The following CELF4 variants were observed in gnomAD, a reference collection of about 807,000 sequenced individuals.
CELF4 encodes CUG-BP- and ETR-3-like factor 4.
In CELF4, 18 loss-of-function variants were observed where a neutral mutation model predicts 59.9. The observed-to-expected ratio is 0.30, with a 90% confidence interval of 0.21 to 0.45. The LOEUF is 0.45. Ranked by LOEUF, CELF4 falls within the 20% of genes least tolerant of loss-of-function variation. CELF4 has a pLI of 1.00. For synonymous variants in CELF4, 261 were observed against 267.1 expected, an observed-to-expected ratio of 0.98 and a Z score of 0.22; for missense variants, 456 against 689.0, an observed-to-expected ratio of 0.66 and a Z score of 3.79.
At chr18:37,301,760 G>A (rs1327124124) in intron 3 of CELF4, among the ~76,000 whole-genome samples, 1 of 152,220 alleles carries the variant, frequency 6.6e-6, no homozygotes, top group Non-Finnish European at 1.5e-5. Flanking sequence ...GCCTCACTCG[G>A]CTAATGGCTC....
intron 1 of CELF4, among the ~76,000 whole-genome samples, chr18:37,486,452 CTT>C (rs907341166): frequency 3.9e-5 from 6 of 152,328 alleles, no homozygotes; most frequent in South Asian, 2.1e-4. Flanking sequence ...CAAGGGGTGA[CTT>C]TTCAGTGCTG....
intron 2 of CELF4, among the ~76,000 whole-genome samples, chr18:37,326,054 C>A (rs553628403): frequency 7.4e-4 from 113 of 152,234 alleles, no homozygotes; most frequent in Non-Finnish European, 1.1e-3. Context: ...GCCAGCCTCA[C>A]TCAGCCCTGA....
intron 8 of CELF4, among the ~76,000 whole-genome samples, chr18:37,269,371 T>C (rs2154342968): frequency 6.6e-6 from 1 of 152,364 alleles, no homozygotes; most frequent in East Asian, 1.9e-4. Context: ...TCTATTTCCC[T>C]CTAGTACAGT....
chr18:37,371,441 A>C (rs1213553253), intron 2 of CELF4, among the ~76,000 whole-genome samples: 1 of 152,202 alleles, frequency 6.6e-6, no homozygotes, highest in Non-Finnish European at 1.5e-5. Context: ...CTCGAGGAGA[A>C]ATGAGCCCTT....
At chr18:37,424,066 A>C (rs1405506440) in intron 2 of CELF4, among the ~76,000 whole-genome samples, 1 of 151,794 alleles carries the variant, frequency 6.6e-6, no homozygotes, top group Non-Finnish European at 1.5e-5. Flanking sequence ...ATGATCTATC[A>C]GGTTGGTGCA....
chr18:37,480,562 T>C (rs533643567), intron 2 of CELF4, among the ~76,000 whole-genome samples: 12 of 152,296 alleles, frequency 7.9e-5, no homozygotes, highest in Non-Finnish European at 1.8e-4. Flanking sequence ...TTTCTACTTA[T>C]CATTCATCTT....
At position 37,243,183 on chromosome 18, in the gene CELF4, T is replaced by TATC. The variant is rs2060839924; in HGVS notation, c.*2058_*2059insGAT. On this transcript the variant is annotated 3_prime_UTR_variant, in exon 13 of 13. Coordinates refer to ENST00000420428, the MANE Select transcript of CELF4 (RefSeq NM_020180.4). ...AGCTGTTTTCTTTTTTTTTTCTTTT[T>TATC]TTCTTTTTTTTTTTTTTTTTTTTAC... The TATC allele has an allele frequency of 6.9e-6, 1 of 144,342 alleles. No homozygotes were observed. The highest frequency in any genetic ancestry group is 2.7e-5 in the African/African-American group (1 of 37,190). The allele number at this position is 144,342 out of a possible 1,614,324, so 8.9% of individuals were successfully genotyped here.
intron 2 of CELF4, among the ~76,000 whole-genome samples, chr18:37,393,598 G>A (rs1310291793): frequency 6.6e-6 from 1 of 152,194 alleles, no homozygotes; most frequent in African/African-American, 2.4e-5. Flanking sequence ...CCCCCGAGGG[G>A]ACCAAGTCCC....
At chr18:37,448,491 A>G (rs2099754300) in intron 2 of CELF4, among the ~76,000 whole-genome samples, 1 of 152,160 alleles carries the variant, frequency 6.6e-6, no homozygotes, top group African/African-American at 2.4e-5. Flanking sequence ...CCCGGCTGTG[A>G]CCTCAGTGCC....
At chr18:37,296,552 C>T (rs1211642998) in intron 3 of CELF4, among the ~76,000 whole-genome samples, 1 of 152,132 alleles carries the variant, frequency 6.6e-6, no homozygotes, top group Admixed American at 6.6e-5. Context: ...CCAGGACCCT[C>T]AGGACCCTCA....
intron 1 of CELF4, among the ~76,000 whole-genome samples, chr18:37,508,935 C>A (rs1012422505): frequency 2.0e-5 from 3 of 152,172 alleles, no homozygotes; most frequent in African/African-American, 7.2e-5. Flanking sequence ...ACTAGTGTCA[C>A]CTCTCTTCTG....
chr18:37,329,122 T>C (rs2097438526), intron 2 of CELF4, among the ~76,000 whole-genome samples: 1 of 152,072 alleles, frequency 6.6e-6, no homozygotes, highest in African/African-American at 2.4e-5. Context: ...ATTTACCTCC[T>C]ATGCAGAGTC....
intron 10 of CELF4, among the ~76,000 whole-genome samples, chr18:37,260,959 C>A (rs532900960): frequency 4.5e-4 from 68 of 152,054 alleles, no homozygotes; most frequent in Non-Finnish European, 7.9e-4. Flanking sequence ...GTGCTGGATA[C>A]CCCCGAGCTC....
chr18:37,453,150 A>C (rs969010032), intron 2 of CELF4, among the ~76,000 whole-genome samples: 1 of 152,222 alleles, frequency 6.6e-6, no homozygotes, highest in Admixed American at 6.5e-5. Flanking sequence ...GCCTGTAGCA[A>C]TACCATTCCT....
At chr18:37,348,075 C>T (rs1306060005) in intron 2 of CELF4, among the ~76,000 whole-genome samples, 1 of 152,176 alleles carries the variant, frequency 6.6e-6, no homozygotes, top group East Asian at 1.9e-4. Context: ...GGTCTCCTGC[C>T]CGCCTGGCCC....
At chr18:37,496,112 A>G (rs565199536) in intron 1 of CELF4, among the ~76,000 whole-genome samples, 2 of 151,732 alleles carry the variant, frequency 1.3e-5, no homozygotes, top group African/African-American at 2.4e-5. Context: ...AGATCCTCCA[A>G]CCCTTTGAAC....
chr18:37,253,892 C>G lies in CELF4; in HGVS notation c.1380G>C (p.Gln460His), dbSNP rs891100143. The G allele has an allele frequency of 1.2e-6, 2 of 1,609,324 alleles. No individual in the cohort carries two copies. Among genetic ancestry groups the G allele is most frequent in the Non-Finnish European group, 1.7e-6 (2 of 1,178,174 alleles). The change falls in exon 12 of 13, where the codon CAG (glutamine) becomes CAC (histidine). Residue 460 changes from glutamine (Q) to histidine (H), a missense_variant. By Grantham distance (24) the Gln-to-His change is conservative. Transcript: ENST00000420428. The surrounding 1 kb of genome is among the most constrained non-coding windows in gnomAD (Gnocchi z 4.5). ...TGCCGATCTGGAAGCCGTTCATGGC[C>G]TGGATGGCGGTCTGCGCGCTGGCCG... ...DNPASAQTAI[Q>H]AMNGFQIGMK... is the part of the protein sequence containing the mutation.
Position 37,302,621 on chromosome 18 carries a change from G to T in CELF4, c.448+19182C>A, listed in dbSNP as rs575703965. Among the ~76,000 whole-genome samples the T allele has an allele frequency of 2.6e-5, 4 of 152,288 alleles. No homozygotes were observed. The East Asian group carries it at 7.7e-4, about 29-fold the overall frequency. ...GGTGGGGAGGTGGAGGGAGGGAAATGGATGGGTGAGGATTGACGCCTCCCC... is the reference window on the plus strand; with the variant it reads ...GGTGGGGAGGTGGAGGGAGGGAAATTGATGGGTGAGGATTGACGCCTCCCC... On this transcript the variant is annotated intron_variant, in intron 3 of 12. Transcript: ENST00000420428.
chr18:37,297,843 A>G (rs1327762038), intron 3 of CELF4, among the ~76,000 whole-genome samples: 1 of 152,212 alleles, frequency 6.6e-6, no homozygotes, highest in African/African-American at 2.4e-5. Flanking sequence ...TGTGAGATTC[A>G]TCGGTGGGGC....
Sources: gnomAD v4.1 joint callset for allele counts (sites outside exome capture counted in the v4.1 genomes callset) on GRCh38, gnomAD v4.1.1 for gene constraint, Gnocchi (gnomAD v3.1) non-coding constraint, MANE v1.5 for transcripts, NCBI Gene and HGNC (gene_info 2026-07-23, HGNC 2026-07-21) for gene names.